LCN9: variants seen among roughly 807,000 people sequenced by gnomAD.
The protein encoded by LCN9 is epididymal-specific lipocalin-9.
In LCN9, 22 loss-of-function variants were observed where a neutral mutation model predicts 18.5. The observed-to-expected ratio is 1.19, with a 90% CI of 0.85 to 1.70. The LOEUF (loss-of-function observed/expected upper bound fraction) is 1.70. LCN9 is among the 40% of genes most tolerant of loss of function. The pLI is 0.00. For synonymous variants in LCN9, 89 were observed against 83.0 expected (o/e 1.07, Z -0.39); for missense variants, 202 against 201.3 (o/e 1.00, Z -0.02).
At chr9:135,666,128 G>T (rs1464576069) in exon 6 of LCN9, 2 of 1,596,616 alleles carry the variant, frequency 1.3e-6, no homozygotes, top group East Asian at 2.2e-5. Flanking sequence ...GTGAGATGGG[G>T]CCCTGTGTGA....
Position 135,663,431 on chromosome 9 carries a change from G to A in LCN9, c.96+14G>A. On this transcript the variant is annotated intron_variant, in intron 1 of 5. Coordinates refer to ENST00000619315, the Ensembl canonical transcript of LCN9. ...AACGTGGCCAGGGTGTGTCTGCGTTGGGGTCTGTGGGGAAGGGGCCAGGCT... is the reference window on the plus strand; with the variant it reads ...AACGTGGCCAGGGTGTGTCTGCGTTAGGGTCTGTGGGGAAGGGGCCAGGCT... The A allele has an allele frequency of 6.2e-7, 1 of 1,610,610 alleles. No homozygotes were observed. Among genetic ancestry groups the A allele is most frequent in the Non-Finnish European group, 8.5e-7 (1 of 1,176,970 alleles).
rs762997694 is a variant in LCN9 at position 135,665,712 on chromosome 9, C to T, written c.443C>T (p.Thr148Met). The T allele has an allele frequency of 1.2e-5, 20 of 1,613,272 alleles. No individual in the cohort carries two copies. The highest frequency in any genetic ancestry group is 1.6e-4 in the Middle Eastern group (1 of 6,084). The change falls in exon 5 of 6, where the codon ACG becomes ATG. Residue 148 changes from threonine (T) to methionine (M), a missense_variant. Thr to Met is a moderately conservative substitution (Grantham distance 81). Transcript: ENST00000619315. This position sits in a 1 kb window ranked among gnomAD's most constrained non-coding sequence, Gnocchi z 5.9. The stretch of plus-strand genomic sequence containing the variant: ...GATTTGAAGAAACCTGCGAAAAGTA[C>T]GGACTTGGCTCACAAAATATCATCG...
intron 1 of LCN9, among the ~76,000 whole-genome samples, 171 bp from the exon 2 acceptor site, chr9:135,663,991 T>C (rs1203234076): frequency 2.0e-3 from 58 of 28,344 alleles, no homozygotes; most frequent in South Asian, 2.9e-3. Flanking sequence ...ACCTTGGGGG[T>C]AAAGGGGGGA....
In LCN9 at chr9:135,664,154, G is replaced by A. The variant is rs769292138; in HGVS notation, c.97-8G>A. 1.2e-6 allele frequency: 2 copies of A among 1,604,916 alleles called. No homozygotes were observed. Among genetic ancestry groups the A allele is most frequent in the Admixed American group, 1.7e-5 (1 of 59,654 alleles). On this transcript the variant is annotated splice_region_variant and splice_polypyrimidine_tract_variant and intron_variant, in intron 1 of 5. Coordinates refer to ENST00000619315, the Ensembl canonical transcript of LCN9. The surrounding 1 kb of genome is among the most constrained non-coding windows in gnomAD (Gnocchi z 4.5). ...GGCCCCCCACCCACTGGAGCTCTTTGTCTTCAGGTTTCAGGGGTCTGGTAT... is the reference window on the plus strand; with the variant it reads ...GGCCCCCCACCCACTGGAGCTCTTTATCTTCAGGTTTCAGGGGTCTGGTAT...
Position 135,664,584 on chromosome 9 carries a change from G to A in LCN9, c.234-138G>A, listed in dbSNP as rs567105541. ...GTCCGGTGGGCTGCAGCAGGGCCCA[G>A]CCCAAGAACTTGGGGCTGTGGAATG... On this transcript the variant is annotated intron_variant, in intron 2 of 5. Transcript: ENST00000619315. This position sits in a 1 kb window ranked among gnomAD's most constrained non-coding sequence, Gnocchi z 4.5. The A allele has an allele frequency of 2.4e-6, 2 of 848,518 alleles. No individual in the cohort carries two copies. The highest frequency in any genetic ancestry group is 1.8e-5 in the South Asian group (1 of 55,800). 52.6% of individuals were successfully genotyped at this position (848,518 alleles called of 1,614,324 possible).
chr9:135,665,156 C>A lies in LCN9; in HGVS notation c.308-89C>A. 2 of 917,042 alleles carry A rather than the reference C, an allele frequency of 2.2e-6. No individual in the cohort carries two copies. Among genetic ancestry groups the A allele is most frequent in the Admixed American group, 2.0e-5 (1 of 49,942 alleles). The allele number at this position is 917,042 out of a possible 1,614,324, so 56.8% of individuals were successfully genotyped here. A position where few individuals can be genotyped will look rare whatever the true frequency, so the allele number is the denominator to read the frequency against. On this transcript the variant is annotated intron_variant, in intron 3 of 5. Coordinates refer to ENST00000619315, the Ensembl canonical transcript of LCN9. This position sits in a 1 kb window ranked among gnomAD's most constrained non-coding sequence, Gnocchi z 5.9. Reference sequence around the variant, plus strand: ...CTCCCGCCTCAAAAGGCCACTTGACCCCCCATCCTCACTTGCGGCCACACA... The same window carrying A: ...CTCCCGCCTCAAAAGGCCACTTGACACCCCATCCTCACTTGCGGCCACACA...
chr9:135,663,608 A>C (rs951183256), intron 1 of LCN9, among the ~76,000 whole-genome samples, 191 bp downstream of exon 1: 1 of 151,466 alleles, frequency 6.6e-6, no homozygotes, highest in Non-Finnish European at 1.5e-5. Flanking sequence ...GGCCTGGGAG[A>C]GTGACTGGGG....
Position 135,664,602 on chromosome 9 carries a change from G to A in LCN9, c.234-120G>A, listed in dbSNP as rs546683316. 2.1e-6 allele frequency: 2 copies of A among 941,416 alleles called. No homozygotes were observed. Among genetic ancestry groups the A allele is most frequent in the South Asian group, 3.4e-5 (2 of 58,014 alleles). The allele number at this position is 941,416 out of a possible 1,614,324, so 58.3% of individuals were successfully genotyped here. A position where few individuals can be genotyped will look rare whatever the true frequency, so the allele number is the denominator to read the frequency against. ...GGGCCCAGCCCAAGAACTTGGGGCT[G>A]TGGAATGAGGCCTGGGCATTGGGAG... On this transcript the variant is annotated intron_variant, in intron 2 of 5. Transcript: ENST00000619315. The surrounding 1 kb of genome is among the most constrained non-coding windows in gnomAD (Gnocchi z 4.5).
At chr9:135,666,107 C>A in exon 6 of LCN9, 1 of 1,598,944 alleles carries the variant, frequency 6.3e-7, no homozygotes, top group Non-Finnish European at 8.5e-7. Context: ...GTGGTAAGGT[C>A]TGAGCAGGAA....
chr9:135,664,024 G>A lies in LCN9; in HGVS notation c.97-138G>A. 1.2e-6 allele frequency: 1 copy of A among 847,758 alleles called. No individual in the cohort carries two copies. Among genetic ancestry groups the A allele is most frequent in the South Asian group, 1.8e-5 (1 of 56,138 alleles). The allele number at this position is 847,758 out of a possible 1,614,324, so 52.5% of individuals were successfully genotyped here. A position where few individuals can be genotyped will look rare whatever the true frequency, so the allele number is the denominator to read the frequency against. On this transcript the variant is annotated intron_variant, in intron 1 of 5. Coordinates refer to ENST00000619315, the Ensembl canonical transcript of LCN9. This position sits in a 1 kb window ranked among gnomAD's most constrained non-coding sequence, Gnocchi z 4.5. ...GGATCTGGTGACGAGGGGAGACCTGGGGGCACTGGAAGGGCGGAGGGGTTC... is the reference window on the plus strand; with the variant it reads ...GGATCTGGTGACGAGGGGAGACCTGAGGGCACTGGAAGGGCGGAGGGGTTC...
Position 135,665,101 on chromosome 9 carries a change from T to C in LCN9, c.308-144T>C. 1.5e-6 allele frequency: 1 copy of C among 672,694 alleles called. No homozygotes were observed. 41.7% of individuals were successfully genotyped at this position (672,694 alleles called of 1,614,324 possible). A position where few individuals can be genotyped will look rare whatever the true frequency, so the allele number is the denominator to read the frequency against. On this transcript the variant is annotated intron_variant, in intron 3 of 5. Coordinates refer to ENST00000619315, the Ensembl canonical transcript of LCN9. This position sits in a 1 kb window ranked among gnomAD's most constrained non-coding sequence, Gnocchi z 5.9. ...GCTGCCCGCCCCCTGTGCAGGGGTC[T>C]CCGCTGGGTGAGCACCGTGGGCTCC... is the stretch of plus-strand genomic sequence containing the variant.
chr9:135,664,733 A>AGTGT lies in LCN9; in HGVS notation c.249_252dup (p.Ala85CysfsTer21). On this transcript the variant is annotated frameshift_variant, in exon 3 of 6. Transcript: ENST00000619315. LOFTEE classifies it high-confidence loss of function. The surrounding 1 kb of genome is among the most constrained non-coding windows in gnomAD (Gnocchi z 4.5). ...TGGCTGGCTTCCAGGGTGCAGGGGG[A>AGTGT]GTGTGTGGCTGTGGTCGTGGTCTGC... 4 of 1,594,064 alleles carry AGTGT rather than the reference A, an allele frequency of 2.5e-6. No individual in the cohort carries two copies. Among genetic ancestry groups the AGTGT allele is most frequent in the Middle Eastern group, 3.3e-4 (2 of 5,994 alleles).
Position 135,664,909 on chromosome 9 carries a change from G to A in LCN9, c.307+114G>A. 8.7e-7 allele frequency: 1 copy of A among 1,150,094 alleles called. No individual in the cohort carries two copies. The highest frequency in any genetic ancestry group is 1.2e-6 in the Non-Finnish European group (1 of 806,714). The allele number at this position is 1,150,094 out of a possible 1,614,324, so 71.2% of individuals were successfully genotyped here. A position where few individuals can be genotyped will look rare whatever the true frequency, so the allele number is the denominator to read the frequency against. ...GGGGATTTTAGTTAAGCCCCTGACA[G>A]CTTGACCCTGAACTGGAGGGACCCA... On this transcript the variant is annotated intron_variant, in intron 3 of 5. Transcript: ENST00000619315. This position sits in a 1 kb window ranked among gnomAD's most constrained non-coding sequence, Gnocchi z 4.5.
Position 135,665,163 on chromosome 9 carries a change from C to A in LCN9, c.308-82C>A, listed in dbSNP as rs1834195340. ...CTCAAAAGGCCACTTGACCCCCCAT[C>A]CTCACTTGCGGCCACACAGCACGTG... On this transcript the variant is annotated intron_variant, in intron 3 of 5. Coordinates refer to ENST00000619315, the Ensembl canonical transcript of LCN9. The surrounding 1 kb of genome is among the most constrained non-coding windows in gnomAD (Gnocchi z 5.9). The A allele has an allele frequency of 4.1e-6, 4 of 972,544 alleles. No homozygotes were observed. Among genetic ancestry groups the A allele is most frequent in the Middle Eastern group, 2.7e-4 (1 of 3,718 alleles). 60.2% of individuals were successfully genotyped at this position (972,544 alleles called of 1,614,324 possible).
In LCN9 at chr9:135,665,573, G is replaced by T; in HGVS notation, c.419-115G>T. On this transcript the variant is annotated intron_variant, in intron 4 of 5. Transcript: ENST00000619315. This position sits in a 1 kb window ranked among gnomAD's most constrained non-coding sequence, Gnocchi z 5.9. ...CAAAGCCCCTCTCTGGTCAGGGCGT[G>T]ACCCCCTGCCCAGCCTCAGCACTTC... The T allele has an allele frequency of 9.5e-7, 1 of 1,052,812 alleles. No homozygotes were observed. The highest frequency in any genetic ancestry group is 1.4e-6 in the Non-Finnish European group (1 of 707,206). 65.2% of individuals were successfully genotyped at this position (1,052,812 alleles called of 1,614,324 possible).
In LCN9 at chr9:135,663,388, G is replaced by GT; in HGVS notation, c.69dup (p.Met24TyrfsTer23). ...AGCCCAGGAGTTCGATCCCCACACCGTTATGCAGAGGAACTACAACGTGGC... is the reference window on the plus strand; with the variant it reads ...AGCCCAGGAGTTCGATCCCCACACCGTTTATGCAGAGGAACTACAACGTGGC... On this transcript the variant is annotated frameshift_variant, in exon 1 of 6. Transcript: ENST00000619315. LOFTEE classifies it high-confidence loss of function. 1 of 1,613,956 alleles carries GT rather than the reference G, an allele frequency of 6.2e-7. No individual in the cohort carries two copies. Among genetic ancestry groups the GT allele is most frequent in the Non-Finnish European group, 8.5e-7 (1 of 1,179,860 alleles).
rs779982786 is a variant in LCN9, at chr9:135,664,767, AGAG to A, written c.280_282del (p.Glu94del). The A allele has an allele frequency of 6.3e-7, 1 of 1,597,964 alleles. No homozygotes were observed. The highest frequency in any genetic ancestry group is 1.7e-5 in the Admixed American group (1 of 57,582). On this transcript the variant is annotated inframe_deletion, in exon 3 of 6. Transcript: ENST00000619315. The surrounding 1 kb of genome is among the most constrained non-coding windows in gnomAD (Gnocchi z 4.5). Reference sequence around the variant, plus strand: ...CTGTGGTCGTGGTCTGCGAGAAGACAGAGAAGAATGGGGAATACTCCATCAACT... The same window carrying A: ...CTGTGGTCGTGGTCTGCGAGAAGACAAAGAATGGGGAATACTCCATCAACT...
chr9:135,664,362 T>C lies in LCN9; in HGVS notation c.233+64T>C. 6.3e-7 allele frequency: 1 copy of C among 1,593,274 alleles called. No homozygotes were observed. The highest frequency in any genetic ancestry group is 1.7e-4 in the Middle Eastern group (1 of 5,996). On this transcript the variant is annotated intron_variant, in intron 2 of 5. Coordinates refer to ENST00000619315, the Ensembl canonical transcript of LCN9. This position sits in a 1 kb window ranked among gnomAD's most constrained non-coding sequence, Gnocchi z 4.5. ...ATGCCCCTGCCACCCCAACGCATAC[T>C]CTCACTCTTGCACACACACGCTCGC...
rs962151093 is a variant in LCN9 at position 135,666,269 on chromosome 9, G to T, written c.*418G>T. On this transcript the variant is annotated 3_prime_UTR_variant, in exon 6 of 6. Transcript: ENST00000619315. ...GCTCCCTCCACCAGCTCCCGGGAAG[G>T]GTCCTTCCTGCCTCTTCCGGCTGCT... is the stretch of plus-strand genomic sequence containing the variant. 4.2e-5 allele frequency: 38 copies of T among 908,932 alleles called. No homozygotes were observed. In the African/African-American group the frequency reaches 5.7e-4, roughly 14 times the overall value. The allele number at this position is 908,932 out of a possible 1,614,324, so 56.3% of individuals were successfully genotyped here.
Sources: gnomAD v4.1 joint callset for allele counts (sites outside exome capture counted in the v4.1 genomes callset) on GRCh38, gnomAD v4.1.1 for gene constraint, Gnocchi (gnomAD v3.1) non-coding constraint, MANE v1.5 for transcripts, NCBI Gene and HGNC (gene_info 2026-07-23, HGNC 2026-07-21) for gene names.